UBR1: variants seen among roughly 807,000 people sequenced by gnomAD.
UBR1 encodes E3 ubiquitin-protein ligase UBR1.
In UBR1, 102 loss-of-function variants were observed where a neutral mutation model predicts 242.1. That is an observed-to-expected ratio of 0.42 (90% CI 0.36 to 0.50). The LOEUF is 0.50. Ranked by LOEUF, UBR1 falls within the 20% of genes least tolerant of loss-of-function variation. UBR1 has a pLI of 0.01. For synonymous variants in UBR1, 675 were observed against 684.8 expected (o/e 0.99, Z 0.22); for missense variants, 1,772 against 2,101.8 (o/e 0.84, Z 3.07).
intron 29 of UBR1, 141 bp downstream of exon 29, chr15:43,015,547 T>G: frequency 1.1e-6 from 1 of 918,226 alleles, no homozygotes. Flanking sequence ...CCAAAGACCT[T>G]TGTTCACTTG....
intron 2 of UBR1, among the ~76,000 whole-genome samples, chr15:43,083,473 C>T (rs2033997215): frequency 6.6e-6 from 1 of 152,072 alleles, no homozygotes; most frequent in Admixed American, 6.5e-5. Context: ...CTCAGCCTCC[C>T]AGGTTCAAGT....
Position 43,024,944 on chromosome 15 carries a change from A to C in UBR1, c.2624T>G (p.Phe875Cys). Residue 875 changes from phenylalanine (F) to cysteine (C), a missense_variant, in exon 25 of 47, where the codon TTC becomes TGC. Phe to Cys is a radical substitution (Grantham distance 205). Transcript: ENST00000290650. Reference protein sequence around the residue: ...PPPPPEFCPAFSKVINLLNCD... With the variant: ...PPPPPEFCPACSKVINLLNCD... ...GTTGAGAAGGTTAATCACTTTGCTGAAAGCAGGGCAGAATTCAGGAGGTGG... is the reference window on the plus strand; with the variant it reads ...GTTGAGAAGGTTAATCACTTTGCTGCAAGCAGGGCAGAATTCAGGAGGTGG... 6.2e-7 allele frequency: 1 copy of C among 1,614,248 alleles called. No individual in the cohort carries two copies. The highest frequency in any genetic ancestry group is 8.5e-7 in the Non-Finnish European group (1 of 1,180,040).
chr15:43,034,888 C>CAAAAAAAAA (rs201319494), intron 19 of UBR1, among the ~76,000 whole-genome samples: 1 of 91,674 alleles, frequency 1.1e-5, no homozygotes, highest in East Asian at 3.5e-4. Flanking sequence ...ACGCCATCTC[C>CAAAAAAAAA]AAAAAAAAAA....
chr15:43,017,458 C>A (rs2033043344), intron 27 of UBR1, among the ~76,000 whole-genome samples: 1 of 152,048 alleles, frequency 6.6e-6, no homozygotes, highest in Non-Finnish European at 1.5e-5. Context: ...TGCCAGGAAA[C>A]AAAAATTTTT....
At position 43,024,992 on chromosome 15, in the gene UBR1, G is replaced by A. The variant is rs772008066; in HGVS notation, c.2585-9C>T. On this transcript the variant is annotated splice_polypyrimidine_tract_variant and intron_variant, in intron 24 of 46. Coordinates refer to ENST00000290650, the MANE Select transcript of UBR1 (RefSeq NM_174916.3). Reference sequence around the variant, plus strand: ...TGGTGGTGGCGGCAATGCTATAGGAGGTGGGGAATGGATGGGGAAAGAGAC... The same window carrying A: ...TGGTGGTGGCGGCAATGCTATAGGAAGTGGGGAATGGATGGGGAAAGAGAC... The A allele has an allele frequency of 1.2e-6, 2 of 1,613,776 alleles. No individual in the cohort carries two copies. Among genetic ancestry groups the A allele is most frequent in the South Asian group, 2.2e-5 (2 of 91,080 alleles).
At chr15:42,948,668 A>G (rs1358895053) in intron 46 of UBR1, among the ~76,000 whole-genome samples, 5 of 152,102 alleles carry the variant, frequency 3.3e-5, no homozygotes, top group South Asian at 2.1e-4. Context: ...GCAGCCAAAA[A>G]ACACATGAAA....
chr15:42,976,933 C>T, intron 38 of UBR1, 66 bp from the exon 39 acceptor site: 1 of 1,554,756 alleles, frequency 6.4e-7, no homozygotes, highest in Non-Finnish European at 8.8e-7. Context: ...AATGTCATAA[C>T]TAAATGTGAA....
At chr15:43,097,513 A>G (rs1313949674) in intron 1 of UBR1, among the ~76,000 whole-genome samples, 1 of 152,250 alleles carries the variant, frequency 6.6e-6, no homozygotes, top group Non-Finnish European at 1.5e-5. Flanking sequence ...ATCTTCTTCC[A>G]ACAGAAGGCT....
At chr15:42,953,009 G>T (rs566471951) in intron 44 of UBR1, among the ~76,000 whole-genome samples, 1 of 150,972 alleles carries the variant, frequency 6.6e-6, no homozygotes, top group Non-Finnish European at 1.5e-5. Flanking sequence ...CTGCAACCTC[G>T]GCCTCCCCGG....
intron 29 of UBR1, among the ~76,000 whole-genome samples, chr15:43,015,166 G>A (rs1567126244): frequency 6.6e-6 from 1 of 152,256 alleles, no homozygotes; most frequent in South Asian, 2.1e-4. Flanking sequence ...TTGAGAACGG[G>A]CCATGATGAT....
intron 12 of UBR1, among the ~76,000 whole-genome samples, chr15:43,048,854 T>C (rs1000942558): frequency 1.3e-5 from 2 of 152,200 alleles, no homozygotes; most frequent in African/African-American, 4.8e-5. Flanking sequence ...CCAGCTGAAA[T>C]TGTTTCAGCC....
At chr15:43,097,579 C>T (rs922268839) in intron 1 of UBR1, among the ~76,000 whole-genome samples, 3 of 152,254 alleles carry the variant, frequency 2.0e-5, no homozygotes, top group African/African-American at 7.2e-5. Context: ...ATTATCTTAG[C>T]TAGATCTTCT....
In UBR1 at chr15:42,948,565, G is replaced by A. The variant is rs185054480; in HGVS notation, c.5108+1697C>T. 2.1e-3 allele frequency among the ~76,000 whole-genome samples: 311 copies of A among 151,622 alleles called. 7 individuals are homozygous for A. In the East Asian group the frequency reaches 0.043, roughly 21 times the overall value. ...AGAGCTAATATCCAGAATCCACAAT[G>A]AACTCAAACAAATTTACAAGAAACA... is the stretch of plus-strand genomic sequence containing the variant. On this transcript the variant is annotated intron_variant, in intron 46 of 46. Coordinates refer to ENST00000290650, the MANE Select transcript of UBR1 (RefSeq NM_174916.3).
intron 15 of UBR1, among the ~76,000 whole-genome samples, chr15:43,041,102 C>G (rs2033412044): frequency 6.6e-6 from 1 of 152,154 alleles, no homozygotes; most frequent in South Asian, 2.1e-4. Context: ...GGTATATACC[C>G]AATGGATTAT....
At chr15:42,950,992 G>A (rs1241132091) in intron 45 of UBR1, among the ~76,000 whole-genome samples, 1 of 152,170 alleles carries the variant, frequency 6.6e-6, no homozygotes, top group Non-Finnish European at 1.5e-5. Flanking sequence ...TTTACTTGCT[G>A]TGGGTTCCCT....
At chr15:43,012,909 C>A (rs775599185) in intron 29 of UBR1, among the ~76,000 whole-genome samples, 2 of 152,022 alleles carry the variant, frequency 1.3e-5, no homozygotes, top group Admixed American at 1.3e-4. Context: ...AAAGTATCCA[C>A]AAGATTTTTT....
intron 4 of UBR1, among the ~76,000 whole-genome samples, chr15:43,073,026 T>G (rs2033841736): frequency 6.6e-6 from 1 of 152,014 alleles, no homozygotes; most frequent in Admixed American, 6.6e-5. Context: ...CCGGATGTGG[T>G]GCCATACGCC....
chr15:43,017,415 T>C (rs1555445739), intron 27 of UBR1, among the ~76,000 whole-genome samples: 1 of 152,218 alleles, frequency 6.6e-6, no homozygotes, highest in Non-Finnish European at 1.5e-5. Context: ...TTCAGTAGGC[T>C]GGGGGCATGC....
intron 40 of UBR1, 76 bp from the exon 41 acceptor site, chr15:42,966,362 T>C: frequency 6.4e-7 from 1 of 1,564,718 alleles, no homozygotes; most frequent in East Asian, 2.3e-5. Flanking sequence ...ATCCCCCTTT[T>C]CAAATACAAA....
Sources: gnomAD v4.1 joint callset for allele counts (sites outside exome capture counted in the v4.1 genomes callset) on GRCh38, gnomAD v4.1.1 for gene constraint, MANE v1.5 for transcripts, NCBI Gene and HGNC (gene_info 2026-07-23, HGNC 2026-07-21) for gene names.